Variants in DEGS2 observed in about 807,000 individuals in gnomAD.
The protein encoded by DEGS2 is sphingolipid delta(4)-desaturase/C4-monooxygenase DES2.
DEGS2 carries 19 observed loss-of-function variants against 23.8 expected under a neutral mutation model. That is an observed-to-expected ratio of 0.80 (90% CI 0.56 to 1.17). The LOEUF is 1.17. DEGS2 is among the 50% of genes most tolerant of loss of function. The probability of loss-of-function intolerance (pLI) is 0.00; values close to 1 mark genes in which losing one functional copy is unlikely to be tolerated. For missense variants in DEGS2, 390 were observed against 459.5 expected, an observed-to-expected ratio of 0.85 and a Z score of 1.38; for synonymous variants, 218 against 213.7, an observed-to-expected ratio of 1.02 and a Z score of -0.18.
At position 100,144,985 on chromosome 14, in the gene DEGS2, C is replaced by CT. The variant is rs1186111341; in HGVS notation, c.*1775dup. ...TCTGCCCCTTAGGAGGCTCCACTCTCTGAGTGGCTTCGCCTAGGCTTCACC... is the reference window on the plus strand; with the variant it reads ...TCTGCCCCTTAGGAGGCTCCACTCTCTTGAGTGGCTTCGCCTAGGCTTCACC... On this transcript the variant is annotated 3_prime_UTR_variant, in exon 3 of 3. Coordinates refer to ENST00000305631, the MANE Select transcript of DEGS2 (RefSeq NM_206918.3). 3 of 152,328 alleles carry CT rather than the reference C, an allele frequency of 2.0e-5. No individual in the cohort carries two copies. Among genetic ancestry groups the CT allele is most frequent in the Non-Finnish European group, 2.9e-5 (2 of 68,096 alleles). The allele number at this position is 152,328 out of a possible 1,614,324, so 9.4% of individuals were successfully genotyped here. A position where few individuals can be genotyped will look rare whatever the true frequency, so the allele number is the denominator to read the frequency against.
Position 100,144,508 on chromosome 14 carries a change from T to G in DEGS2, c.*2253A>C, listed in dbSNP as rs1159153320. On this transcript the variant is annotated 3_prime_UTR_variant, in exon 3 of 3. Coordinates refer to ENST00000305631, the MANE Select transcript of DEGS2 (RefSeq NM_206918.3). Reference sequence around the variant, plus strand: ...CCCACACCCCCGAACCTCAGAGGACTCCACGTGCATTCTGACGGGCAGGGC... The same window carrying G: ...CCCACACCCCCGAACCTCAGAGGACGCCACGTGCATTCTGACGGGCAGGGC... The G allele has an allele frequency of 6.6e-6, 1 of 152,350 alleles. No homozygotes were observed. Among genetic ancestry groups the G allele is most frequent in the African/African-American group, 2.4e-5 (1 of 41,454 alleles). 9.4% of individuals were successfully genotyped at this position (152,350 alleles called of 1,614,324 possible).
At chr14:100,149,842 T>G in intron 1 of DEGS2, 132 bp from the exon 2 acceptor site, 1 of 945,730 alleles carries the variant, frequency 1.1e-6, no homozygotes, top group Non-Finnish European at 1.6e-6. Flanking sequence ...CCTTTGCCCC[T>G]GCACACAGGC....
chr14:100,151,337 G>A (rs1889568100), intron 1 of DEGS2, among the ~76,000 whole-genome samples: 1 of 152,262 alleles, frequency 6.6e-6, no homozygotes, highest in Non-Finnish European at 1.5e-5. Flanking sequence ...AACAAGAGCA[G>A]GCCCAAAGCT....
chr14:100,166,255 G>A, the DEGS2 span, among the ~76,000 whole-genome samples: 10 of 116,334 alleles, frequency 8.6e-5, no homozygotes, highest in East Asian at 2.9e-4. Context: ...GAGCCTGTCC[G>A]GGGGAGTGGG....
At chr14:100,159,307 A>G (rs1889710235) in intron 1 of DEGS2, among the ~76,000 whole-genome samples, 199 bp downstream of exon 1, 1 of 152,186 alleles carries the variant, frequency 6.6e-6, no homozygotes, top group Non-Finnish European at 1.5e-5. Context: ...CTCAGGTCCC[A>G]GGGAGTTTCA....
upstream of DEGS2, among the ~76,000 whole-genome samples, chr14:100,161,032 C>T (rs1889740170): frequency 1.3e-5 from 2 of 152,340 alleles, no homozygotes; most frequent in Admixed American, 6.5e-5. Flanking sequence ...TCCCACCAGC[C>T]ATCACTTTAC....
intron 1 of DEGS2, among the ~76,000 whole-genome samples, chr14:100,152,539 T>G (rs145753421): frequency 1.3e-5 from 2 of 152,310 alleles, no homozygotes; most frequent in Non-Finnish European, 2.9e-5. Context: ...GTCTCCCTCC[T>G]GTCTTTCCCT....
chr14:100,156,673 G>A (rs1889663039), intron 1 of DEGS2, among the ~76,000 whole-genome samples: 1 of 152,204 alleles, frequency 6.6e-6, no homozygotes, highest in South Asian at 2.1e-4. Context: ...AGAGGGCTTG[G>A]AGCCATGGAG....
At chr14:100,164,334 C>G (rs1889783037), upstream of DEGS2, among the ~76,000 whole-genome samples, 1 of 152,006 alleles carries the variant, frequency 6.6e-6, no homozygotes. Context: ...AAAGGAGTTG[C>G]TGTTAATAAT....
intron 1 of DEGS2, among the ~76,000 whole-genome samples, chr14:100,151,656 C>G (rs1889574276): frequency 6.6e-6 from 1 of 152,216 alleles, no homozygotes; most frequent in African/African-American, 2.4e-5. Flanking sequence ...GTTCTGAAAA[C>G]AGCAGCTGCT....
chr14:100,149,460 G>A lies in DEGS2; in HGVS notation c.333C>T (p.Phe111=), dbSNP rs765952479. The A allele has an allele frequency of 1.8e-5, 28 of 1,595,328 alleles. No homozygotes were observed. The highest frequency in any genetic ancestry group is 8.0e-5 in the African/African-American group (6 of 74,672). The change falls in exon 2 of 3, where the codon TTC becomes TTT. Residue 111 remains phenylalanine (F), a synonymous_variant. Transcript: ENST00000305631. Reference sequence around the variant, plus strand: ...AGGGCACACCCACGGGCAGGTTGGCGAACACGGCCAGCCAGCGGTTGCGTG... The same window carrying A: ...AGGGCACACCCACGGGCAGGTTGGCAAACACGGCCAGCCAGCGGTTGCGTG... The part of the protein sequence containing the change: ...RAARNRWLAV[F]ANLPVGVPYA...
At chr14:100,158,771 C>A (rs60337468) in intron 1 of DEGS2, among the ~76,000 whole-genome samples, 1,925 of 152,242 alleles carry the variant, frequency 0.013, 45 homozygotes, top group African/African-American at 0.044. Context: ...GCCCTTTAAC[C>A]CCGTAAGCCC....
chr14:100,159,639 C>G lies in DEGS2; in HGVS notation c.-52G>C. The G allele has an allele frequency of 9.4e-7, 1 of 1,062,182 alleles. No individual in the cohort carries two copies. Among genetic ancestry groups the G allele is most frequent in the South Asian group, 1.7e-5 (1 of 60,504 alleles). The allele number at this position is 1,062,182 out of a possible 1,614,324, so 65.8% of individuals were successfully genotyped here. The stretch of plus-strand genomic sequence containing the variant: ...CGCGGCCGGCTCGGCTCTGCTGCAC[C>G]TGTCGCGGCGGCCGCGGCGCGGAAC... On this transcript the variant is annotated 5_prime_UTR_variant, in exon 1 of 3. Coordinates refer to ENST00000305631, the MANE Select transcript of DEGS2 (RefSeq NM_206918.3).
intron 1 of DEGS2, among the ~76,000 whole-genome samples, chr14:100,157,412 A>C (rs1391628122): frequency 6.6e-6 from 1 of 152,320 alleles, no homozygotes; most frequent in East Asian, 1.9e-4. Flanking sequence ...ACAGAAATGC[A>C]AACAGGGCCA....
chr14:100,149,436 G>T lies in DEGS2; in HGVS notation c.357C>A (p.Pro119=), dbSNP rs763332093. ...GGTACTTCTTGAAGGAGGCGGCGTAGGGCACACCCACGGGCAGGTTGGCGA... is the reference window on the plus strand; with the variant it reads ...GGTACTTCTTGAAGGAGGCGGCGTATGGCACACCCACGGGCAGGTTGGCGA... ...AVFANLPVGV[P]YAASFKKYHV... The change falls in exon 2 of 3, where the codon CCC becomes CCA. Residue 119 remains proline (P), a synonymous_variant. Transcript: ENST00000305631. The T allele has an allele frequency of 6.3e-7, 1 of 1,599,080 alleles. No homozygotes were observed. The highest frequency in any genetic ancestry group is 1.1e-5 in the South Asian group (1 of 89,248).
At chr14:100,159,114 C>A (rs997954577) in intron 1 of DEGS2, among the ~76,000 whole-genome samples, 2 of 152,192 alleles carry the variant, frequency 1.3e-5, no homozygotes, top group African/African-American at 4.8e-5. Flanking sequence ...GGTGGAGGCC[C>A]CGCGTCGCGC....
Position 100,145,108 on chromosome 14 carries a change from C to T in DEGS2, c.*1653G>A, listed in dbSNP as rs920450688. 3 of 152,528 alleles carry T rather than the reference C, an allele frequency of 2.0e-5. No homozygotes were observed. Among genetic ancestry groups the T allele is most frequent in the African/African-American group, 7.2e-5 (3 of 41,448 alleles). 9.4% of individuals were successfully genotyped at this position (152,528 alleles called of 1,614,324 possible). On this transcript the variant is annotated 3_prime_UTR_variant, in exon 3 of 3. Coordinates refer to ENST00000305631, the MANE Select transcript of DEGS2 (RefSeq NM_206918.3). ...GCCCCCCAGGCCAGGAGGGCTCCCC[C>T]CAAGGCCAGGAGTCTCCCCAGGAGC...
upstream of DEGS2, among the ~76,000 whole-genome samples, chr14:100,162,208 G>C (rs931727841): frequency 6.6e-6 from 1 of 151,502 alleles, no homozygotes. Context: ...AATTAGCTGG[G>C]CATGGTGGCG....
the DEGS2 span, among the ~76,000 whole-genome samples, chr14:100,166,227 CATCCAGGAGAGTGGGGGGAGCCT>C: frequency 1.2e-4 from 3 of 25,284 alleles, no homozygotes; most frequent in African/African-American, 3.3e-4. Flanking sequence ...GGGGGAAGCC[CATCCAGGAGAGTGGGGGGAGCCT>C]GTCCGGGGGA....
Sources: gnomAD v4.1 joint callset for allele counts (sites outside exome capture counted in the v4.1 genomes callset) on GRCh38, gnomAD v4.1.1 for gene constraint, MANE v1.5 for transcripts, NCBI Gene and HGNC (gene_info 2026-07-23, HGNC 2026-07-21) for gene names.